Variants in UBE2D2 observed in about 807,000 individuals in gnomAD.
UBE2D2 encodes the protein ubiquitin conjugating enzyme E2 D2, also known as ubiquitin-conjugating enzyme E2 D2.
A neutral mutation model predicts 24.2 loss-of-function variants in UBE2D2; 2 were observed. The ratio of observed to expected loss-of-function variants is 0.08; its 90% CI spans 0.03 to 0.26. UBE2D2 has a LOEUF of 0.26. Among genes scored for constraint, UBE2D2 ranks in the 10% least tolerant of loss-of-function variants. The pLI, the probability that UBE2D2 is intolerant of heterozygous loss-of-function variation, is 1.00. For missense variants in UBE2D2, 44 were observed against 177.6 expected (o/e 0.25, Z 4.28); for synonymous variants, 58 against 56.5 (o/e 1.03, Z -0.12).
intron 6 of UBE2D2, among the ~76,000 whole-genome samples, chr5:139,623,979 C>T (rs569130519): frequency 5.9e-5 from 9 of 152,260 alleles, no homozygotes; most frequent in African/African-American, 2.2e-4. Flanking sequence ...GTGTGAGCCA[C>T]CACACCCATA....
At chr5:139,549,459 GC>G (rs1752877167) in intron 1 of UBE2D2, among the ~76,000 whole-genome samples, 1 of 152,228 alleles carries the variant, frequency 6.6e-6, no homozygotes. Context: ...GGCGCCGTGG[GC>G]CCAGGAAGTG....
At chr5:139,591,926 G>A (rs1056918602) in intron 1 of UBE2D2, among the ~76,000 whole-genome samples, 3 of 152,216 alleles carry the variant, frequency 2.0e-5, no homozygotes, top group Non-Finnish European at 2.9e-5. Flanking sequence ...GGGGCCGGGC[G>A]CGGTGGCTCA....
intron 1 of UBE2D2, among the ~76,000 whole-genome samples, chr5:139,563,580 CTTATT>C (rs1348660855): frequency 6.6e-6 from 1 of 152,158 alleles, no homozygotes; most frequent in Admixed American, 6.6e-5. Flanking sequence ...AGCTTGTCCT[CTTATT>C]TTATAACCTG....
upstream of UBE2D2, among the ~76,000 whole-genome samples, chr5:139,559,589 G>A (rs560399946): frequency 5.9e-5 from 9 of 152,184 alleles, no homozygotes; most frequent in East Asian, 1.7e-3. Flanking sequence ...CTGGGTGCAC[G>A]GTGCTTCTGT....
intron 2 of UBE2D2, among the ~76,000 whole-genome samples, chr5:139,607,404 A>G (rs1349852753): frequency 6.6e-6 from 1 of 152,154 alleles, no homozygotes; most frequent in African/African-American, 2.4e-5. Context: ...GAGAGCCATA[A>G]AGATTATTTG....
In UBE2D2 at chr5:139,562,429, G is replaced by A. The variant is rs1047657728; in HGVS notation, c.24+614G>A. On this transcript the variant is annotated intron_variant, in intron 1 of 6. Coordinates refer to ENST00000398733, the MANE Select transcript of UBE2D2 (RefSeq NM_003339.3). ...AAAGGTGACTTAATGAGGGAGGAGGGAAGTAGAGGGAGAATCATTTTATTC... is the reference window on the plus strand; with the variant it reads ...AAAGGTGACTTAATGAGGGAGGAGGAAAGTAGAGGGAGAATCATTTTATTC... The A allele has an allele frequency of 5.5e-6, 7 of 1,278,214 alleles. No individual in the cohort carries two copies. The Middle Eastern group carries it at 8.5e-4, about 156-fold the overall frequency. The allele number at this position is 1,278,214 out of a possible 1,614,324, so 79.2% of individuals were successfully genotyped here. A position where few individuals can be genotyped will look rare whatever the true frequency, so the allele number is the denominator to read the frequency against.
At chr5:139,591,431 T>TCC (rs1753844772) in intron 1 of UBE2D2, among the ~76,000 whole-genome samples, 1 of 152,142 alleles carries the variant, frequency 6.6e-6, no homozygotes, top group Non-Finnish European at 1.5e-5. Context: ...ATGGTGGGTA[T>TCC]TTTCTATACT....
intron 1 of UBE2D2, among the ~76,000 whole-genome samples, chr5:139,544,537 C>A (rs183949750): frequency 1.9e-4 from 29 of 151,784 alleles, no homozygotes; most frequent in Middle Eastern, 6.8e-3. Context: ...GTGATCTACC[C>A]ACCTCAGCCT....
chr5:139,613,169 C>T (rs1171450697), intron 2 of UBE2D2, among the ~76,000 whole-genome samples: 1 of 152,168 alleles, frequency 6.6e-6, no homozygotes, highest in African/African-American at 2.4e-5. Context: ...AGGTTCAAGT[C>T]CCAGTGAGCA....
intron 2 of UBE2D2, among the ~76,000 whole-genome samples, chr5:139,606,848 C>T (rs1754210549): frequency 6.6e-6 from 1 of 152,082 alleles, no homozygotes; most frequent in African/African-American, 2.4e-5. Context: ...CATCGTCGCC[C>T]CCCTGGAGTG....
chr5:139,579,785 C>A (rs1168895382), intron 1 of UBE2D2, among the ~76,000 whole-genome samples: 1 of 151,990 alleles, frequency 6.6e-6, no homozygotes, highest in East Asian at 1.9e-4. Context: ...CGGTGGCTCA[C>A]ATCTGTAATC....
chr5:139,573,737 A>C (rs1253417247), intron 1 of UBE2D2, among the ~76,000 whole-genome samples: 1 of 152,136 alleles, frequency 6.6e-6, no homozygotes, highest in East Asian at 1.9e-4. Flanking sequence ...TGGGAGGCTG[A>C]GGCGGGCGAA....
intron 1 of UBE2D2, among the ~76,000 whole-genome samples, chr5:139,535,143 A>G (rs560547788): frequency 4.4e-4 from 66 of 151,252 alleles, no homozygotes; most frequent in South Asian, 2.1e-3. Flanking sequence ...CTTTATCTCA[A>G]ATAAATAAAT....
Position 139,534,780 on chromosome 5 carries a change from T to C in UBE2D2, c.-64+8168T>C, listed in dbSNP as rs149591097. Among the ~76,000 whole-genome samples, 601 of 152,008 alleles carry C rather than the reference T, an allele frequency of 4.0e-3. 3 individuals are homozygous for C. The highest frequency in any genetic ancestry group is 0.014 in the African/African-American group (568 of 41,482). Reference sequence around the variant, plus strand: ...AAGAAATTTATTCTAAGGAAACAGTTAATTGGGCACAAACATTTGTACAAT... The same window carrying C: ...AAGAAATTTATTCTAAGGAAACAGTCAATTGGGCACAAACATTTGTACAAT... On this transcript the variant is annotated intron_variant, in intron 1 of 6. Transcript: ENST00000511725.
chr5:139,561,753 C>A lies in UBE2D2; in HGVS notation c.-39C>A. On this transcript the variant is annotated 5_prime_UTR_variant, in exon 1 of 7. Transcript: ENST00000398733. ...CCCTTCCCCGTCCCTTCCCCGCCCC[C>A]GTCCCCGCCCCGGGGGCCGCCGCCA... 6.9e-7 allele frequency: 1 copy of A among 1,454,956 alleles called. No individual in the cohort carries two copies. The highest frequency in any genetic ancestry group is 2.7e-5 in the East Asian group (1 of 36,454). The allele number at this position is 1,454,956 out of a possible 1,614,324, so 90.1% of individuals were successfully genotyped here.
At chr5:139,542,044 G>A (rs186451735) in intron 1 of UBE2D2, among the ~76,000 whole-genome samples, 36 of 151,890 alleles carry the variant, frequency 2.4e-4, no homozygotes, top group African/African-American at 8.7e-4. Flanking sequence ...AAAAGTAGCC[G>A]GGCATGGTGG....
At chr5:139,616,370 T>C (rs1291338295) in intron 5 of UBE2D2, among the ~76,000 whole-genome samples, 1 of 152,078 alleles carries the variant, frequency 6.6e-6, no homozygotes, top group Non-Finnish European at 1.5e-5. Flanking sequence ...ACTGCTGTAC[T>C]CTGAAAGGTG....
intron 1 of UBE2D2, among the ~76,000 whole-genome samples, chr5:139,580,296 C>G (rs761017253): frequency 5.9e-5 from 9 of 151,978 alleles, no homozygotes; most frequent in Non-Finnish European, 1.3e-4. Context: ...AACTCCCGGG[C>G]TCAAGTGTTA....
intron 1 of UBE2D2, among the ~76,000 whole-genome samples, chr5:139,548,492 G>A (rs1185484366): frequency 1.3e-5 from 2 of 152,090 alleles, no homozygotes; most frequent in Non-Finnish European, 2.9e-5. Flanking sequence ...AGGAGTGGTT[G>A]AGGCCTCTGG....
Sources: gnomAD v4.1 joint callset for allele counts (sites outside exome capture counted in the v4.1 genomes callset) on GRCh38, gnomAD v4.1.1 for gene constraint, MANE v1.5 for transcripts, NCBI Gene and HGNC (gene_info 2026-07-23, HGNC 2026-07-21) for gene names.